Variants in ZFHX3 observed in about 807,000 individuals in gnomAD.
ZFHX3 encodes zinc finger homeobox protein 3.
In ZFHX3, 42 loss-of-function variants were observed where a neutral mutation model predicts 279.1. That is an observed-to-expected ratio of 0.15 (90% CI 0.12 to 0.19). ZFHX3 has a LOEUF of 0.19. Ranked by LOEUF, ZFHX3 falls within the 10% of genes least tolerant of loss-of-function variation. The probability of loss-of-function intolerance (pLI) is 1.00; values close to 1 mark genes in which losing one functional copy is unlikely to be tolerated. For missense variants in ZFHX3, 4,981 were observed against 4,754.0 expected (o/e 1.05, Z -1.40); for synonymous variants, 2,293 against 1,957.8 (o/e 1.17, Z -4.52).
Position 73,549,867 on chromosome 16 carries a change from A to AT in ZFHX3, c.-1546-93610dup, listed in dbSNP as rs112749828. Among the ~76,000 whole-genome samples the AT allele has an allele frequency of 4.3e-3, 605 of 142,076 alleles. 4 individuals carry two copies. The highest frequency in any genetic ancestry group is 0.012 in the African/African-American group (458 of 38,922). The allele number at this position is 142,076 out of a possible 152,430, so 93.2% of individuals were successfully genotyped here. A position where few individuals can be genotyped will look rare whatever the true frequency, so the allele number is the denominator to read the frequency against. ...AGCGCTACATTTGATATAGAGACTGATTTTTTTTTTTTCCCATCAAAATTA... is the reference window on the plus strand; with the variant it reads ...AGCGCTACATTTGATATAGAGACTGATTTTTTTTTTTTTCCCATCAAAATTA... On this transcript the variant is annotated intron_variant, in intron 2 of 17. Transcript: ENST00000641206.
chr16:73,462,616 G>A (rs1248426503), intron 2 of ZFHX3, among the ~76,000 whole-genome samples: 3 of 152,108 alleles, frequency 2.0e-5, no homozygotes, highest in Non-Finnish European at 2.9e-5. Flanking sequence ...TTTTTATCAT[G>A]AATAGGTATT....
chr16:73,248,458 T>C (rs1567429896), intron 5 of ZFHX3, among the ~76,000 whole-genome samples: 2 of 151,894 alleles, frequency 1.3e-5, no homozygotes. Context: ...GTGGAGTATA[T>C]GTGTATGTAT....
At chr16:73,583,082 C>A (rs532163163) in intron 2 of ZFHX3, among the ~76,000 whole-genome samples, 5 of 152,274 alleles carry the variant, frequency 3.3e-5, no homozygotes, top group Admixed American at 3.3e-4. Context: ...CAAACCACAG[C>A]TTTCCCAGCT....
At chr16:72,850,591 A>G (rs1376435512) in intron 4 of ZFHX3, among the ~76,000 whole-genome samples, 2 of 152,170 alleles carry the variant, frequency 1.3e-5, no homozygotes, top group Non-Finnish European at 2.9e-5. Context: ...GGACCATGGT[A>G]GAGCTGGACT....
chr16:73,617,690 G>GA (rs2052318821), intron 2 of ZFHX3, among the ~76,000 whole-genome samples: 2 of 142,232 alleles, frequency 1.4e-5, no homozygotes, highest in South Asian at 4.3e-4. Flanking sequence ...GTTTACAGGA[G>GA]AAAATCACTG....
intron 5 of ZFHX3, among the ~76,000 whole-genome samples, chr16:73,190,356 A>G (rs1968004084): frequency 6.6e-6 from 1 of 152,254 alleles, no homozygotes; most frequent in South Asian, 2.1e-4. Flanking sequence ...TAAAAAAGAC[A>G]CAGCTAAGTT....
intron 2 of ZFHX3, among the ~76,000 whole-genome samples, chr16:73,615,098 G>T (rs2143891241): frequency 6.7e-6 from 1 of 148,760 alleles, no homozygotes; most frequent in East Asian, 2.0e-4. Flanking sequence ...TTCTCTCTTT[G>T]AACAAATTTC....
intron 2 of ZFHX3, among the ~76,000 whole-genome samples, chr16:73,463,127 C>T (rs1373286150): frequency 1.3e-5 from 2 of 152,184 alleles, no homozygotes; most frequent in Admixed American, 6.5e-5. Context: ...CCATAATACT[C>T]ATAGTTTCTG....
chr16:73,003,053 G>A (rs552593766), intron 1 of ZFHX3, among the ~76,000 whole-genome samples: 15 of 152,218 alleles, frequency 9.9e-5, no homozygotes, highest in African/African-American at 3.6e-4. Context: ...TTACATCACT[G>A]TTTTCCCACA....
rs776931670 is a variant in ZFHX3, at chr16:72,788,659, T to C, written c.9617A>G (p.Gln3206Arg). The C allele has an allele frequency of 1.2e-6, 2 of 1,612,994 alleles. No homozygotes were observed. Among genetic ancestry groups the C allele is most frequent in the South Asian group, 2.2e-5 (2 of 90,980 alleles). ...PQQQQQQQQPQVQQPPPPPAA... is the reference protein window; with the variant it reads ...PQQQQQQQQPRVQQPPPPPAA... Reference sequence around the variant, plus strand: ...TGGCGGCGGGGGAGGCTGCTGCACCTGTGGTTGCTGCTGCTGCTGCTGCTG... The same window carrying C: ...TGGCGGCGGGGGAGGCTGCTGCACCCGTGGTTGCTGCTGCTGCTGCTGCTG... The change falls in exon 10 of 10, where the codon CAG (glutamine) becomes CGG (arginine). Residue 3206 changes from glutamine (Q) to arginine (R), a missense_variant. By Grantham distance (43) the Gln-to-Arg change is conservative. Coordinates refer to ENST00000268489, the MANE Select transcript of ZFHX3 (RefSeq NM_006885.4).
At chr16:73,738,020 A>C (rs574469263) in intron 1 of ZFHX3, among the ~76,000 whole-genome samples, 1 of 152,272 alleles carries the variant, frequency 6.6e-6, no homozygotes, top group Admixed American at 6.5e-5. Flanking sequence ...GGGGATTATC[A>C]TGGGATTTTA....
chr16:73,657,794 G>A (rs2052737848), intron 2 of ZFHX3, among the ~76,000 whole-genome samples: 1 of 152,096 alleles, frequency 6.6e-6, no homozygotes, highest in Admixed American at 6.5e-5. Context: ...TTCTTTCTAT[G>A]GCTGAATAGT....
intron 4 of ZFHX3, among the ~76,000 whole-genome samples, chr16:73,306,724 C>G (rs948411400): frequency 2.0e-5 from 3 of 152,156 alleles, no homozygotes; most frequent in Non-Finnish European, 2.9e-5. Flanking sequence ...AAGATCAAGG[C>G]CAATTTACCT....
chr16:73,767,060 T>A (rs2053956525), intron 1 of ZFHX3, among the ~76,000 whole-genome samples: 1 of 151,840 alleles, frequency 6.6e-6, no homozygotes, highest in South Asian at 2.1e-4. Flanking sequence ...CTCAGCCTCC[T>A]GAGTAGCTGG....
At position 73,754,387 on chromosome 16, in the gene ZFHX3, G is replaced by A. The variant is rs187995778; in HGVS notation, c.-1607-74147C>T. Among the ~76,000 whole-genome samples the A allele has an allele frequency of 2.4e-3, 361 of 152,088 alleles. 3 individuals carry two copies. Among genetic ancestry groups the A allele is most frequent in the Middle Eastern group, 6.8e-3 (2 of 294 alleles). On this transcript the variant is annotated intron_variant, in intron 1 of 17. Transcript: ENST00000641206. The stretch of plus-strand genomic sequence containing the variant: ...GTACTGAAACCCAGTTCTTGACTCC[G>A]GGAAGAGAGAGGTTTGTACGTTTTA...
intron 4 of ZFHX3, among the ~76,000 whole-genome samples, chr16:72,885,655 G>A (rs1261685054): frequency 6.6e-6 from 1 of 152,230 alleles, no homozygotes; most frequent in Non-Finnish European, 1.5e-5. Flanking sequence ...ACCTGTAGGA[G>A]GTGACATGAG....
chr16:73,602,871 C>T (rs1009767765), intron 2 of ZFHX3, among the ~76,000 whole-genome samples: 1 of 150,404 alleles, frequency 6.6e-6, no homozygotes, highest in African/African-American at 2.5e-5. Flanking sequence ...TGCTTGAACC[C>T]GGTTTGCAGT....
At chr16:73,822,207 T>G (rs1047345727) in intron 1 of ZFHX3, among the ~76,000 whole-genome samples, 1 of 152,192 alleles carries the variant, frequency 6.6e-6, no homozygotes. Context: ...TGTTTTCTCT[T>G]TGAAGCTCTT....
intron 5 of ZFHX3, among the ~76,000 whole-genome samples, chr16:72,823,510 A>G (rs894015526): frequency 2.0e-5 from 3 of 152,202 alleles, no homozygotes; most frequent in Admixed American, 1.3e-4. Context: ...TCCCAAGAAC[A>G]CAGAACTAGG....
Sources: gnomAD v4.1 joint callset for allele counts (sites outside exome capture counted in the v4.1 genomes callset) on GRCh38, gnomAD v4.1.1 for gene constraint, MANE v1.5 for transcripts, NCBI Gene and HGNC (gene_info 2026-07-23, HGNC 2026-07-21) for gene names.